MMP14: variants seen among roughly 807,000 people sequenced by gnomAD.
MMP14 encodes matrix metallopeptidase 14, also known as matrix metalloproteinase-14.
A neutral mutation model predicts 64.8 loss-of-function variants in MMP14; 13 were observed. That is an observed-to-expected ratio of 0.20 (90% confidence interval 0.13 to 0.32). The LOEUF is 0.32. MMP14 is among the 10% of genes least tolerant of loss of function. MMP14 has a pLI of 1.00. For missense variants in MMP14, 594 were observed against 783.8 expected (o/e 0.76, Z 2.89); for synonymous variants, 322 against 315.9 (o/e 1.02, Z -0.20).
At position 22,847,563 on chromosome 14, in the gene MMP14, A is replaced by G. The variant is rs1369632592; in HGVS notation, c.*1524A>G. 2 of 124,748 alleles carry G rather than the reference A, an allele frequency of 1.6e-5. No individual in the cohort carries two copies. Among genetic ancestry groups the G allele is most frequent in the Non-Finnish European group, 3.2e-5 (2 of 63,124 alleles). 7.7% of individuals were successfully genotyped at this position (124,748 alleles called of 1,614,324 possible). On this transcript the variant is annotated 3_prime_UTR_variant, in exon 10 of 10. Transcript: ENST00000311852. The stretch of plus-strand genomic sequence containing the variant: ...TGTTTTTTTGTTTTGTTTAATGTAT[A>G]TTTTTATTATAATTATTATATATGA...
intron 7 of MMP14, 26 bp downstream of exon 7, chr14:22,844,535 T>C: frequency 6.2e-7 from 1 of 1,613,988 alleles, no homozygotes; most frequent in South Asian, 1.1e-5. Flanking sequence ...ACTTTAGTCT[T>C]TGGGAGTGAG....
At chr14:22,845,421 G>A (rs1384974887) in intron 9 of MMP14, 55 bp downstream of exon 9, 1 of 1,318,452 alleles carries the variant, frequency 7.6e-7, no homozygotes, top group African/African-American at 1.5e-5. Context: ...AGGGAGTTGA[G>A]GAAGAGCGGG....
chr14:22,844,324 T>TAGGCC (rs1364069737), intron 6 of MMP14, 47 bp from the exon 7 acceptor site: 15 of 1,608,448 alleles, frequency 9.3e-6, no homozygotes, highest in Non-Finnish European at 1.3e-5. Context: ...ACCAGAGACC[T>TAGGCC]AGGCCGCAAG....
At position 22,843,628 on chromosome 14, in the gene MMP14, A is replaced by G; in HGVS notation, c.851-82A>G. 6.7e-7 allele frequency: 1 copy of G among 1,489,014 alleles called. No individual in the cohort carries two copies. Among genetic ancestry groups the G allele is most frequent in the Non-Finnish European group, 9.1e-7 (1 of 1,102,978 alleles). 92.2% of individuals were successfully genotyped at this position (1,489,014 alleles called of 1,614,324 possible). A position where few individuals can be genotyped will look rare whatever the true frequency, so the allele number is the denominator to read the frequency against. The stretch of plus-strand genomic sequence containing the variant: ...CTAGAAGCCCATCCACACCTTTCCA[A>G]GGGTATTGTCTGCCCATCTGTCTGT... On this transcript the variant is annotated intron_variant, in intron 5 of 9. Coordinates refer to ENST00000311852, the MANE Select transcript of MMP14 (RefSeq NM_004995.4). The surrounding 1 kb of genome is among the most constrained non-coding windows in gnomAD (Gnocchi z 4.8).
chr14:22,838,191 T>C (rs1327028618), intron 1 of MMP14, among the ~76,000 whole-genome samples: 1 of 152,178 alleles, frequency 6.6e-6, no homozygotes, highest in East Asian at 1.9e-4. Flanking sequence ...TGAGCCTGAC[T>C]GTCCGGGAGG....
chr14:22,838,614 A>G (rs367577393), intron 1 of MMP14, among the ~76,000 whole-genome samples: 1 of 152,162 alleles, frequency 6.6e-6, no homozygotes, highest in African/African-American at 2.4e-5. Flanking sequence ...CTTTGACCCA[A>G]CATAGTTGCT....
At position 22,844,751 on chromosome 14, in the gene MMP14, T is replaced by C. The variant is rs558561253; in HGVS notation, c.1272T>C (p.Asn424=). ...ATGCTGCTCTCTTCTGGATGCCCAA[T>C]GGAAAGACCTACTTCTTCCGTGGAA... is the stretch of plus-strand genomic sequence containing the variant. ...KIDAALFWMP[N]GKTYFFRGNK... The change falls in exon 8 of 10, where the codon AAT becomes AAC. Residue 424 remains asparagine, a synonymous_variant. Transcript: ENST00000311852. 1.2e-6 allele frequency: 2 copies of C among 1,614,062 alleles called. No homozygotes were observed. Among genetic ancestry groups the C allele is most frequent in the East Asian group, 2.2e-5 (1 of 44,872 alleles).
At position 22,842,807 on chromosome 14, in the gene MMP14, C is replaced by G; in HGVS notation, c.688+90C>G. ...CCTCCCTCCTTCCAAAATCTCCGGGCTAGAAGGGACCACAGAGACCTTCTG... is the reference window on the plus strand; with the variant it reads ...CCTCCCTCCTTCCAAAATCTCCGGGGTAGAAGGGACCACAGAGACCTTCTG... On this transcript the variant is annotated intron_variant, in intron 4 of 9. Transcript: ENST00000311852. This position sits in a 1 kb window ranked among gnomAD's most constrained non-coding sequence, Gnocchi z 5.3. 3 of 1,355,574 alleles carry G rather than the reference C, an allele frequency of 2.2e-6. No individual in the cohort carries two copies. Among genetic ancestry groups the G allele is most frequent in the Admixed American group, 2.3e-5 (1 of 43,278 alleles). The allele number at this position is 1,355,574 out of a possible 1,614,324, so 84.0% of individuals were successfully genotyped here.
rs1212633799 is a variant in MMP14, at chr14:22,847,260, G to C, written c.*1221G>C. On this transcript the variant is annotated 3_prime_UTR_variant, in exon 10 of 10. Coordinates refer to ENST00000311852, the MANE Select transcript of MMP14 (RefSeq NM_004995.4). Reference sequence around the variant, plus strand: ...CCCGGCCTGCTCACCATCTCAGTGAGGGGCAGGAGCTGGGGCTCGCTTAGG... The same window carrying C: ...CCCGGCCTGCTCACCATCTCAGTGACGGGCAGGAGCTGGGGCTCGCTTAGG... 1 of 152,544 alleles carries C rather than the reference G, an allele frequency of 6.6e-6. No homozygotes were observed. The highest frequency in any genetic ancestry group is 1.5e-5 in the Non-Finnish European group (1 of 68,288). The allele number at this position is 152,544 out of a possible 1,614,324, so 9.4% of individuals were successfully genotyped here.
intron 1 of MMP14, among the ~76,000 whole-genome samples, chr14:22,840,867 G>A (rs150857023): frequency 1.3e-5 from 2 of 152,312 alleles, no homozygotes; most frequent in East Asian, 3.9e-4. Context: ...GATGCTGCTT[G>A]GATAAGGACA....
In MMP14 at chr14:22,843,210, GA is replaced by G; in HGVS notation, c.689-46del. ...CTGCTGGTGGGGAAGCAGGGAGGCT[GA>G]GGGAAGGGACTCAGGCTGCTATCGT... On this transcript the variant is annotated intron_variant, in intron 4 of 9. Transcript: ENST00000311852. The surrounding 1 kb of genome is among the most constrained non-coding windows in gnomAD (Gnocchi z 4.8). The G allele has an allele frequency of 6.4e-7, 1 of 1,572,028 alleles. No homozygotes were observed. Among genetic ancestry groups the G allele is most frequent in the South Asian group, 1.1e-5 (1 of 87,474 alleles).
At chr14:22,837,378 C>A (rs1028307347) in intron 1 of MMP14, 1 of 456,478 alleles carries the variant, frequency 2.2e-6, no homozygotes, top group Non-Finnish European at 4.4e-6. Context: ...GCGCGCCCTC[C>A]GATGGGCGCT....
In MMP14 at chr14:22,843,773, T is replaced by C; in HGVS notation, c.914T>C (p.Val305Ala). ...PQPRTTSRPS[V>A]PDKPKNPTYG... ...CCCAGGACTACCTCCCGGCCTTCTG[T>C]TCCTGATAAACCCAAAAACCCCACC... The change falls in exon 6 of 10, where the codon GTT becomes GCT. Residue 305 changes from valine to alanine, a missense_variant. Val to Ala is a moderately conservative substitution (Grantham distance 64, BLOSUM62 0). Around this residue, in one of 4 missense-constraint regions of MMP14, gnomAD observed 364 missense variants for 425.2 expected, o/e 0.86. Coordinates refer to ENST00000311852, the MANE Select transcript of MMP14 (RefSeq NM_004995.4). This position sits in a 1 kb window ranked among gnomAD's most constrained non-coding sequence, Gnocchi z 4.8. The C allele has an allele frequency of 6.2e-7, 1 of 1,613,332 alleles. No homozygotes were observed. Among genetic ancestry groups the C allele is most frequent in the Non-Finnish European group, 8.5e-7 (1 of 1,179,858 alleles).
intron 8 of MMP14, 134 bp downstream of exon 8, chr14:22,844,914 T>C: frequency 7.8e-7 from 1 of 1,279,150 alleles, no homozygotes; most frequent in Non-Finnish European, 1.1e-6. Context: ...GCCTCTGCTG[T>C]TGCCTAGAAA....
Position 22,836,792 on chromosome 14 carries a change from C to A in MMP14, c.-26C>A. ...GGGCCCGGCCGCGGAGCCCACACTG[C>A]CCGGCTGACCCGGTGGTCTCGGACC... On this transcript the variant is annotated 5_prime_UTR_variant, in exon 1 of 10. Transcript: ENST00000311852. The A allele has an allele frequency of 6.6e-7, 1 of 1,514,762 alleles. No homozygotes were observed. Among genetic ancestry groups the A allele is most frequent in the South Asian group, 1.2e-5 (1 of 83,534 alleles). 93.8% of individuals were successfully genotyped at this position (1,514,762 alleles called of 1,614,324 possible). A position where few individuals can be genotyped will look rare whatever the true frequency, so the allele number is the denominator to read the frequency against.
rs545049079 is a variant in MMP14 at position 22,843,667 on chromosome 14, C to G, written c.851-43C>G. ...CCATCTGTCTGTCCTTCCGTCCCCGCCTCCTCCTAAGTCTGAAATGCCCCT... is the reference window on the plus strand; with the variant it reads ...CCATCTGTCTGTCCTTCCGTCCCCGGCTCCTCCTAAGTCTGAAATGCCCCT... On this transcript the variant is annotated intron_variant, in intron 5 of 9. Coordinates refer to ENST00000311852, the MANE Select transcript of MMP14 (RefSeq NM_004995.4). The surrounding 1 kb of genome is among the most constrained non-coding windows in gnomAD (Gnocchi z 4.8). 33 of 1,564,616 alleles carry G rather than the reference C, an allele frequency of 2.1e-5. 1 individual carries two copies. The South Asian group carries it at 2.8e-4, about 13-fold the overall frequency.
intron 1 of MMP14, among the ~76,000 whole-genome samples, chr14:22,840,075 T>C (rs1209147444): frequency 6.8e-6 from 1 of 147,272 alleles, no homozygotes; most frequent in Non-Finnish European, 1.5e-5. Context: ...TCAGCAATTC[T>C]CCTACCACAG....
chr14:22,844,252 A>G, intron 6 of MMP14, 119 bp from the exon 7 acceptor site: 1 of 1,449,474 alleles, frequency 6.9e-7, no homozygotes, highest in Non-Finnish European at 9.4e-7. Context: ...TGGAAGTGAC[A>G]ACAGCTGGAC....
At chr14:22,838,088 T>C (rs2039747913) in intron 1 of MMP14, among the ~76,000 whole-genome samples, 1 of 152,160 alleles carries the variant, frequency 6.6e-6, no homozygotes, top group Non-Finnish European at 1.5e-5. Context: ...TGGGGCCGAC[T>C]GGAAAAGTAT....
Sources: allele counts gnomAD v4.1 joint callset (sites outside exome capture counted in the v4.1 genomes callset), GRCh38; gene constraint gnomAD v4.1.1; regional missense constraint gnomAD v4.1.1; non-coding constraint Gnocchi (gnomAD v3.1); transcripts MANE v1.5; gene names NCBI Gene and HGNC (gene_info 2026-07-23, HGNC 2026-07-21).